Variants in CCDC141 observed in about 807,000 individuals in gnomAD.
CCDC141 encodes coiled-coil domain containing 141.
In CCDC141, 168 loss-of-function variants were observed where a neutral mutation model predicts 181.0. The ratio of observed to expected loss-of-function variants is 0.93; its 90% CI spans 0.82 to 1.05. The LOEUF (loss-of-function observed/expected upper bound fraction) is 1.05. Ranked by LOEUF, CCDC141 falls within the 50% of genes least tolerant of loss-of-function variation. CCDC141 has a pLI of 0.00. For missense variants in CCDC141, 1,902 were observed against 1,788.5 expected, an observed-to-expected ratio of 1.06 and a Z score of -1.14; for synonymous variants, 666 against 642.3, an observed-to-expected ratio of 1.04 and a Z score of -0.56.
chr2:178,974,367 T>A (rs1691030938), intron 4 of CCDC141, among the ~76,000 whole-genome samples: 1 of 152,154 alleles, frequency 6.6e-6, no homozygotes, highest in Non-Finnish European at 1.5e-5. Context: ...GTTGTTTCTA[T>A]CAATTTATCT....
chr2:178,892,417 T>A (rs1180397832), intron 8 of CCDC141, among the ~76,000 whole-genome samples: 1 of 152,104 alleles, frequency 6.6e-6, no homozygotes, highest in Non-Finnish European at 1.5e-5. Flanking sequence ...TATAACTAGG[T>A]CATCTCTGTC....
At chr2:179,007,781 G>A (rs2042156563) in intron 2 of CCDC141, among the ~76,000 whole-genome samples, 1 of 152,086 alleles carries the variant, frequency 6.6e-6, no homozygotes, top group Non-Finnish European at 1.5e-5. Context: ...TTCAAAATAT[G>A]TTTGAAATAA....
chr2:178,902,671 A>T (rs1457954972), intron 8 of CCDC141, among the ~76,000 whole-genome samples: 3 of 151,832 alleles, frequency 2.0e-5, no homozygotes, highest in Admixed American at 1.3e-4. Context: ...AAACCTAGGC[A>T]TTACCATTCA....
At chr2:178,981,655 T>TATATATATATATATATAC (rs1363397709) in intron 2 of CCDC141, among the ~76,000 whole-genome samples, 66 of 136,404 alleles carry the variant, frequency 4.8e-4, no homozygotes, top group South Asian at 3.3e-3. Flanking sequence ...TATATATATA[T>TATATATATATATATATAC]ATACATACAT....
chr2:178,876,315 T>C (rs948867842), intron 12 of CCDC141: 2 of 152,176 alleles, frequency 1.3e-5, no homozygotes, highest in African/African-American at 4.8e-5. Flanking sequence ...GAACAGAAAA[T>C]GCCCTGATTT....
intron 2 of CCDC141, among the ~76,000 whole-genome samples, chr2:179,014,918 T>G (rs192678844): frequency 0.044 from 6,723 of 151,524 alleles, 165 homozygotes; most frequent in African/African-American, 0.062. Flanking sequence ...ATTCCACTAC[T>G]GGGTATCTAC....
chr2:178,888,526 C>T lies in CCDC141; in HGVS notation c.1407+1G>A, dbSNP rs943620145. ...ATTTAAGTTTTAGTTTACGAAACTA[C>T]CTTCCGTAGGTAACCCTCCACTGAG... On this transcript the variant is annotated splice_donor_variant, in intron 9 of 23. Coordinates refer to ENST00000443758, the MANE Select transcript of CCDC141 (RefSeq NM_173648.4). LOFTEE classifies it high-confidence loss of function. 3.9e-6 allele frequency: 6 copies of T among 1,550,018 alleles called. No homozygotes were observed. The highest frequency in any genetic ancestry group is 5.2e-6 in the Non-Finnish European group (6 of 1,146,560).
chr2:178,853,094 C>G (rs1685233622), intron 20 of CCDC141, among the ~76,000 whole-genome samples: 1 of 152,122 alleles, frequency 6.6e-6, no homozygotes, highest in South Asian at 2.1e-4. Context: ...AGGAATCACT[C>G]TAGTGGAAAT....
intron 10 of CCDC141, among the ~76,000 whole-genome samples, chr2:178,886,206 A>G (rs1686875778): frequency 1.3e-5 from 2 of 151,394 alleles, no homozygotes; most frequent in African/African-American, 4.9e-5. Flanking sequence ...ACTTTGCTGG[A>G]GCAGACAGAA....
intron 2 of CCDC141, among the ~76,000 whole-genome samples, chr2:179,025,496 GCACC>G (rs2042815044): frequency 5.3e-5 from 8 of 152,132 alleles, no homozygotes. Flanking sequence ...GACATGACTT[GCACC>G]TCCTTGCCTT....
rs1334648987 is a variant in CCDC141 at position 178,910,598 on chromosome 2, A to C, written c.1093-5097T>G. Among the ~76,000 whole-genome samples the C allele has an allele frequency of 3.9e-5, 6 of 152,116 alleles. No individual in the cohort carries two copies. The East Asian group carries it at 1.2e-3, about 29-fold the overall frequency. On this transcript the variant is annotated intron_variant, in intron 7 of 23. Coordinates refer to ENST00000443758, the MANE Select transcript of CCDC141 (RefSeq NM_173648.4). ...CCTGAGAGAACTTCTGGTGGTTCCC[A>C]CTCTGGGGAACTGATTCCTAATTCA...
chr2:179,049,795 C>T, intron 1 of CCDC141, 45 bp downstream of exon 1: 1 of 1,548,392 alleles, frequency 6.5e-7, no homozygotes, highest in Non-Finnish European at 8.7e-7. Context: ...CAACACACAG[C>T]TAGAAGCCCA....
chr2:178,864,309 C>T (rs1025819349), intron 17 of CCDC141, among the ~76,000 whole-genome samples: 2 of 152,148 alleles, frequency 1.3e-5, no homozygotes, highest in African/African-American at 4.8e-5. Flanking sequence ...AAAGGAATAG[C>T]TTCCATAACC....
chr2:178,923,128 G>A (rs1446622217), intron 6 of CCDC141, among the ~76,000 whole-genome samples: 18 of 143,106 alleles, frequency 1.3e-4, no homozygotes, highest in African/African-American at 4.2e-4. Context: ...TTTTTGAGAC[G>A]GAGTCTCGCT....
intron 2 of CCDC141, among the ~76,000 whole-genome samples, chr2:179,018,544 A>G (rs1453323015): frequency 1.3e-5 from 2 of 152,192 alleles, no homozygotes; most frequent in African/African-American, 4.8e-5. Flanking sequence ...GATTTTAGCT[A>G]GAATGTTCTA....
Position 178,961,426 on chromosome 2 carries a change from A to G in CCDC141, c.584T>C (p.Ile195Thr), listed in dbSNP as rs1173350271. ...LNKSQQLTDFIEKFKCEGPNV... is the reference protein window; with the variant it reads ...LNKSQQLTDFTEKFKCEGPNV... The stretch of plus-strand genomic sequence containing the variant: ...AGGTCCTTCACACTTGAATTTTTCT[A>G]TGAAGTCAGTGAGTTGTTGACTTTT... Residue 195 changes from isoleucine to threonine, a missense_variant, in exon 5 of 24, where the codon ATA becomes ACA. Ile to Thr is a moderately conservative substitution (Grantham distance 89). Transcript: ENST00000443758. 6.4e-7 allele frequency: 1 copy of G among 1,550,446 alleles called. No individual in the cohort carries two copies. The highest frequency in any genetic ancestry group is 2.4e-5 in the East Asian group (1 of 40,930).
At chr2:178,867,739 C>CA (rs537387007) in intron 16 of CCDC141, among the ~76,000 whole-genome samples, 8 of 152,000 alleles carry the variant, frequency 5.3e-5, no homozygotes, top group African/African-American at 1.9e-4. Context: ...ACATCAAAGG[C>CA]AAAAAAGTGA....
chr2:178,897,445 A>G (rs991743901), intron 8 of CCDC141, among the ~76,000 whole-genome samples: 1 of 152,252 alleles, frequency 6.6e-6, no homozygotes, highest in African/African-American at 2.4e-5. Flanking sequence ...AGCAAAATCC[A>G]ATTAACTCCT....
At chr2:179,036,776 C>T (rs757754119) in intron 2 of CCDC141, among the ~76,000 whole-genome samples, 39 of 152,202 alleles carry the variant, frequency 2.6e-4, no homozygotes, top group Non-Finnish European at 5.1e-4. Context: ...AAAATAAGGC[C>T]AGAACTTTAC....
Sources: allele counts gnomAD v4.1 joint callset (sites outside exome capture counted in the v4.1 genomes callset), GRCh38; gene constraint gnomAD v4.1.1; transcripts MANE v1.5; gene names NCBI Gene and HGNC (gene_info 2026-07-23, HGNC 2026-07-21).